Variants in RETREG1 observed in about 807,000 individuals in gnomAD.
RETREG1 encodes family with sequence similarity 134 member B.
Under a neutral mutation model 54.8 loss-of-function variants are expected in RETREG1, and 44 were observed. The observed-to-expected ratio is 0.80, with a 90% CI of 0.63 to 1.03. The LOEUF (loss-of-function observed/expected upper bound fraction) is 1.03. Ranked by LOEUF, RETREG1 falls within the 50% of genes least tolerant of loss-of-function variation. The pLI, the probability that RETREG1 is intolerant of heterozygous loss-of-function variation, is 0.00. For synonymous variants in RETREG1, 217 were observed against 238.5 expected (o/e 0.91, Z 0.83); for missense variants, 554 against 605.1 (o/e 0.92, Z 0.89).
intron 1 of RETREG1, among the ~76,000 whole-genome samples, chr5:16,583,349 AGGGCGT>A (rs1331964429): frequency 6.6e-6 from 1 of 151,154 alleles, no homozygotes; most frequent in African/African-American, 2.4e-5. Flanking sequence ...AAAAAGTATC[AGGGCGT>A]GGTGGCATGC....
intron 1 of RETREG1, among the ~76,000 whole-genome samples, chr5:16,575,388 C>T (rs2126310834): frequency 6.6e-6 from 1 of 152,314 alleles, no homozygotes; most frequent in Admixed American, 6.5e-5. Flanking sequence ...AGCCCTAGCA[C>T]AGACAGAAAG....
chr5:16,580,270 A>G (rs559418709), intron 1 of RETREG1, among the ~76,000 whole-genome samples: 1 of 152,298 alleles, frequency 6.6e-6, no homozygotes, highest in South Asian at 2.1e-4. Context: ...ACTCCCTATT[A>G]GCAGAGTGAC....
rs547435543 is a variant in RETREG1 at position 16,518,563 on chromosome 5, A to G, written c.459-35091T>C. 7.9e-4 allele frequency among the ~76,000 whole-genome samples: 120 copies of G among 152,254 alleles called. 1 individual carries two copies. The highest frequency in any genetic ancestry group is 2.7e-3 in the African/African-American group (114 of 41,554). The stretch of plus-strand genomic sequence containing the variant: ...ATGGTAAGAAAAAAATAGTTTTTAA[A>G]ATATAAAAAGAAAAAAGATTACTTT... On this transcript the variant is annotated intron_variant, in intron 3 of 8. Coordinates refer to ENST00000306320, the MANE Select transcript of RETREG1 (RefSeq NM_001034850.3).
chr5:16,487,860 A>G (rs937806906), intron 3 of RETREG1, among the ~76,000 whole-genome samples: 1 of 152,246 alleles, frequency 6.6e-6, no homozygotes, highest in African/African-American at 2.4e-5. Context: ...TAGAATTTCA[A>G]ACCAACATCC....
chr5:16,567,479 T>C (rs1742046133), intron 2 of RETREG1, among the ~76,000 whole-genome samples: 1 of 152,202 alleles, frequency 6.6e-6, no homozygotes, highest in African/African-American at 2.4e-5. Context: ...CAATCCCTAC[T>C]GAGACCACAG....
chr5:16,501,536 T>A (rs996382869), intron 3 of RETREG1, among the ~76,000 whole-genome samples: 1 of 152,086 alleles, frequency 6.6e-6, no homozygotes, highest in South Asian at 2.1e-4. Context: ...TTTATTTTTT[T>A]ATTTTTATTT....
intron 1 of RETREG1, among the ~76,000 whole-genome samples, chr5:16,605,075 G>C (rs924510219): frequency 1.3e-5 from 2 of 152,196 alleles, no homozygotes; most frequent in East Asian, 3.8e-4. Context: ...GATATAAAAT[G>C]TCTGCACTGA....
chr5:16,544,551 G>A (rs1268162974), intron 3 of RETREG1, among the ~76,000 whole-genome samples: 1 of 152,076 alleles, frequency 6.6e-6, no homozygotes, highest in African/African-American at 2.4e-5. Context: ...TATGGATTTA[G>A]GTTTACATTT....
chr5:16,564,714 T>A (rs999827783), intron 3 of RETREG1, among the ~76,000 whole-genome samples: 1 of 152,150 alleles, frequency 6.6e-6, no homozygotes, highest in Non-Finnish European at 1.5e-5. Flanking sequence ...TCTCTTCTTA[T>A]ATCCAATGTC....
At chr5:16,484,661 T>C (rs1488571102) in intron 3 of RETREG1, among the ~76,000 whole-genome samples, 1 of 152,170 alleles carries the variant, frequency 6.6e-6, no homozygotes, top group Non-Finnish European at 1.5e-5. Context: ...ATATTTTGAA[T>C]AGTAAGGCAA....
intron 3 of RETREG1, among the ~76,000 whole-genome samples, chr5:16,546,721 A>G (rs951278005): frequency 3.3e-5 from 5 of 152,056 alleles, no homozygotes; most frequent in African/African-American, 1.2e-4. Context: ...TCCCCCTCCT[A>G]CCTTTTTTCC....
chr5:16,546,313 G>A lies in RETREG1; in HGVS notation c.458+19450C>T, dbSNP rs1002291887. ...CTCCCAAGCAGCTGGAACCACAGGC[G>A]GTGTACCACCATGCCCAGCTAATTT... is the stretch of plus-strand genomic sequence containing the variant. On this transcript the variant is annotated intron_variant, in intron 3 of 8. Coordinates refer to ENST00000306320, the MANE Select transcript of RETREG1 (RefSeq NM_001034850.3). Among the ~76,000 whole-genome samples, 12 of 152,032 alleles carry A rather than the reference G, an allele frequency of 7.9e-5. No individual in the cohort carries two copies. The South Asian group carries it at 1.2e-3, about 16-fold the overall frequency.
intron 3 of RETREG1, among the ~76,000 whole-genome samples, chr5:16,546,960 C>T (rs1271241060): frequency 2.6e-5 from 4 of 152,204 alleles, no homozygotes; most frequent in Non-Finnish European, 5.9e-5. Flanking sequence ...CTTCAAAGCC[C>T]AACCATGGAC....
At chr5:16,516,001 G>C (rs1740341680) in intron 3 of RETREG1, among the ~76,000 whole-genome samples, 1 of 150,880 alleles carries the variant, frequency 6.6e-6, no homozygotes, top group Admixed American at 6.6e-5. Context: ...GATTGTGTTT[G>C]CCAAAGGACA....
chr5:16,475,001 G>C lies in RETREG1; in HGVS notation c.1234C>G (p.Leu412Val), dbSNP rs1738464211. ...GCAGCTGTGATAACATCCCCAGCCAGGTTGCTCATCAGGTGAAAGGTTTGG... is the reference window on the plus strand; with the variant it reads ...GCAGCTGTGATAACATCCCCAGCCACGTTGCTCATCAGGTGAAAGGTTTGG... ...SDQTFHLMSN[L>V]AGDVITAAVT... The change falls in exon 9 of 9, where the codon CTG becomes GTG. Residue 412 changes from leucine (L) to valine (V), a missense_variant. Transcript: ENST00000306320. The C allele has an allele frequency of 6.2e-7, 1 of 1,613,578 alleles. No individual in the cohort carries two copies. Among genetic ancestry groups the C allele is most frequent in the African/African-American group, 1.3e-5 (1 of 74,884 alleles).
At chr5:16,551,885 T>C (rs1741551896) in intron 3 of RETREG1, among the ~76,000 whole-genome samples, 1 of 152,204 alleles carries the variant, frequency 6.6e-6, no homozygotes, top group African/African-American at 2.4e-5. Flanking sequence ...TTCCAGCTTC[T>C]AGAGGCCACC....
intron 3 of RETREG1, among the ~76,000 whole-genome samples, chr5:16,538,247 G>T (rs954190845): frequency 6.6e-6 from 1 of 152,152 alleles, no homozygotes; most frequent in African/African-American, 2.4e-5. Flanking sequence ...GGGGAAAAAT[G>T]AAGAGCTGGC....
chr5:16,520,008 G>T (rs2126579273), intron 3 of RETREG1, among the ~76,000 whole-genome samples: 1 of 152,278 alleles, frequency 6.6e-6, no homozygotes, highest in South Asian at 2.1e-4. Context: ...CCTGTTATGG[G>T]TTGGACTGTG....
chr5:16,476,201 C>T (rs1293974250), intron 8 of RETREG1, among the ~76,000 whole-genome samples: 1 of 152,134 alleles, frequency 6.6e-6, no homozygotes, highest in East Asian at 1.9e-4. Flanking sequence ...TAGGTAGTGA[C>T]AAAGGCAAGA....
Sources: allele counts gnomAD v4.1 joint callset (sites outside exome capture counted in the v4.1 genomes callset), GRCh38; gene constraint gnomAD v4.1.1; transcripts MANE v1.5; gene names NCBI Gene and HGNC (gene_info 2026-07-23, HGNC 2026-07-21).